SAMD12: variants seen among roughly 807,000 people sequenced by gnomAD.
SAMD12 encodes the protein sterile alpha motif domain containing 12, also known as sterile alpha motif domain-containing protein 12.
In SAMD12, 9 loss-of-function variants were observed where a neutral mutation model predicts 15.0. The observed-to-expected ratio is 0.60, with a 90% CI of 0.36 to 1.05. SAMD12 has a LOEUF of 1.05. Ranked by LOEUF, SAMD12 falls within the 50% of genes least tolerant of loss-of-function variation. The probability of loss-of-function intolerance (pLI) is 0.01; values close to 1 mark genes in which losing one functional copy is unlikely to be tolerated. For synonymous variants in SAMD12, 86 were observed against 90.1 expected, an observed-to-expected ratio of 0.96 and a Z score of 0.25; for missense variants, 230 against 234.2, an observed-to-expected ratio of 0.98 and a Z score of 0.12.
At chr8:118,507,323 T>C (rs1040864328) in intron 2 of SAMD12, among the ~76,000 whole-genome samples, 4 of 152,132 alleles carry the variant, frequency 2.6e-5, no homozygotes, top group Admixed American at 1.3e-4. Flanking sequence ...CTTTACCATG[T>C]ATTAAATTAT....
chr8:118,323,835 A>T (rs868372179), intron 4 of SAMD12, among the ~76,000 whole-genome samples: 9 of 152,172 alleles, frequency 5.9e-5, no homozygotes, highest in Admixed American at 2.6e-4. Flanking sequence ...CTCAAAAAAA[A>T]ATCTGTACAA....
the SAMD12 span, among the ~76,000 whole-genome samples, chr8:118,179,987 T>C: frequency 0.031 from 4,683 of 152,238 alleles, 98 homozygotes; most frequent in South Asian, 0.075. Flanking sequence ...GAAACAACAC[T>C]CAGCATCAAA....
chr8:118,602,745 C>T (rs1382356333), intron 1 of SAMD12, among the ~76,000 whole-genome samples: 2 of 152,188 alleles, frequency 1.3e-5, no homozygotes, highest in Non-Finnish European at 2.9e-5. Context: ...CCATGATCAA[C>T]AAGCCCCATT....
chr8:118,306,896 T>A (rs1815377668), intron 4 of SAMD12, among the ~76,000 whole-genome samples: 1 of 152,216 alleles, frequency 6.6e-6, no homozygotes, highest in Non-Finnish European at 1.5e-5. Flanking sequence ...CGTATCCTCA[T>A]CTGTGAAGCT....
chr8:118,594,897 C>T (rs1401520361), intron 1 of SAMD12, among the ~76,000 whole-genome samples: 2 of 152,290 alleles, frequency 1.3e-5, no homozygotes, highest in East Asian at 1.9e-4. Flanking sequence ...CCAACATATA[C>T]CTGTATTCCT....
intron 2 of SAMD12, among the ~76,000 whole-genome samples, chr8:118,467,629 C>A (rs1823633320): frequency 6.6e-6 from 1 of 152,146 alleles, no homozygotes; most frequent in African/African-American, 2.4e-5. Flanking sequence ...ACTTTACAAG[C>A]TTGTTAGATA....
At chr8:118,329,914 A>T (rs1294785479) in intron 4 of SAMD12, among the ~76,000 whole-genome samples, 2 of 152,068 alleles carry the variant, frequency 1.3e-5, no homozygotes, top group South Asian at 4.1e-4. Flanking sequence ...GGAGAGGTTC[A>T]TATTAAGAAC....
intron 3 of SAMD12, among the ~76,000 whole-genome samples, chr8:118,428,098 T>G (rs1822288215): frequency 6.6e-6 from 1 of 152,242 alleles, no homozygotes; most frequent in Non-Finnish European, 1.5e-5. Context: ...TCATTTCAAA[T>G]CTTTTGCCCA....
chr8:118,564,770 G>C (rs540674488), intron 2 of SAMD12, among the ~76,000 whole-genome samples: 1 of 152,272 alleles, frequency 6.6e-6, no homozygotes, highest in East Asian at 1.9e-4. Flanking sequence ...TTGAAATCTA[G>C]GGACACTATG....
chr8:118,345,085 G>A (rs967241621), intron 4 of SAMD12, among the ~76,000 whole-genome samples: 1 of 151,974 alleles, frequency 6.6e-6, no homozygotes, highest in Non-Finnish European at 1.5e-5. Flanking sequence ...TTTCATTCAC[G>A]GTAAATGCCC....
chr8:118,583,616 T>G (rs901250300), intron 1 of SAMD12, among the ~76,000 whole-genome samples: 3 of 152,060 alleles, frequency 2.0e-5, no homozygotes, highest in Non-Finnish European at 4.4e-5. Flanking sequence ...TTATACTTCC[T>G]TCACCTCTGA....
intron 2 of SAMD12, among the ~76,000 whole-genome samples, chr8:118,523,249 T>G (rs1825441695): frequency 6.6e-6 from 1 of 152,128 alleles, no homozygotes; most frequent in South Asian, 2.1e-4. Context: ...TCCCTCAACC[T>G]CTTGCGGAAA....
intron 4 of SAMD12, among the ~76,000 whole-genome samples, chr8:118,335,887 C>T (rs1817032632): frequency 1.3e-5 from 2 of 152,134 alleles, no homozygotes; most frequent in African/African-American, 4.8e-5. Context: ...CAGGTGCACA[C>T]CACTAGCCCT....
intron 2 of SAMD12, among the ~76,000 whole-genome samples, chr8:118,491,758 A>G (rs971560094): frequency 1.3e-5 from 2 of 152,154 alleles, no homozygotes; most frequent in Non-Finnish European, 2.9e-5. Flanking sequence ...AGAATCAATC[A>G]TATTGTTGTA....
At chr8:118,539,347 G>C (rs146665527) in intron 2 of SAMD12, among the ~76,000 whole-genome samples, 42 of 152,300 alleles carry the variant, frequency 2.8e-4, no homozygotes, top group African/African-American at 1.0e-3. Context: ...GGCTGGCATA[G>C]AACATGAGTG....
At chr8:118,212,357 C>T (rs774154723) in intron 4 of SAMD12, among the ~76,000 whole-genome samples, 2 of 152,116 alleles carry the variant, frequency 1.3e-5, no homozygotes, top group Admixed American at 6.5e-5. Flanking sequence ...GCTGATTAAA[C>T]TATGATATAA....
chr8:118,495,176 G>A (rs4514016), intron 2 of SAMD12, among the ~76,000 whole-genome samples: 1 of 152,070 alleles, frequency 6.6e-6, no homozygotes, highest in Non-Finnish European at 1.5e-5. Context: ...AGGCAGTAAC[G>A]TATGAAACTG....
chr8:118,455,821 T>TATACATAC (rs1823233161), intron 2 of SAMD12, among the ~76,000 whole-genome samples: 1 of 149,564 alleles, frequency 6.7e-6, no homozygotes. Flanking sequence ...ATCATACATA[T>TATACATAC]ATACATACAT....
chr8:118,554,677 A>C (rs1476641655), intron 2 of SAMD12, among the ~76,000 whole-genome samples: 1 of 152,006 alleles, frequency 6.6e-6, no homozygotes, highest in African/African-American at 2.4e-5. Context: ...AAAGTATAAT[A>C]ATAATAAAAA....
Sources: gnomAD v4.1 joint callset for allele counts (sites outside exome capture counted in the v4.1 genomes callset) on GRCh38, gnomAD v4.1.1 for gene constraint, MANE v1.5 for transcripts, NCBI Gene and HGNC (gene_info 2026-07-23, HGNC 2026-07-21) for gene names.